The following BEND3 variants were observed in gnomAD, a reference collection of about 807,000 sequenced individuals.
The protein encoded by BEND3 is BEN domain containing 3, also known as BEN domain-containing protein 3.
Under a neutral mutation model 60.1 loss-of-function variants are expected in BEND3, and 13 were observed. That is an observed-to-expected ratio of 0.22 (90% CI 0.14 to 0.34). The LOEUF is 0.34. Ranked by LOEUF, BEND3 falls within the 10% of genes least tolerant of loss-of-function variation. The pLI, the probability that BEND3 is intolerant of heterozygous loss-of-function variation, is 1.00. For synonymous variants in BEND3, 497 were observed against 491.5 expected (o/e 1.01, Z -0.15); for missense variants, 896 against 1,138.1 (o/e 0.79, Z 3.06).
intron 3 of BEND3, among the ~76,000 whole-genome samples, chr6:107,094,348 C>T (rs145548618): frequency 4.6e-4 from 69 of 151,556 alleles, no homozygotes; most frequent in African/African-American, 1.6e-3. Context: ...AACAGCCGGG[C>T]GTGGTGGCTC....
chr6:107,069,882 C>T lies in BEND3; in HGVS notation c.1309G>A (p.Asp437Asn). The change falls in exon 4 of 4, where the codon GAC becomes AAC. Residue 437 changes from aspartate (D) to asparagine (N), a missense_variant. Physicochemically the swap from Asp to Asn is conservative, Grantham distance 23. Transcript: ENST00000369042. ...GGGTCCAGCTCCTGCTTTCCACCGT[C>T]CCCGTAGCAGCTGTACTGTTCACCC... ...KLGEQYSCYG[D>N]GGKQELDPQR... 1 of 1,613,868 alleles carries T rather than the reference C, an allele frequency of 6.2e-7. No homozygotes were observed. Among genetic ancestry groups the T allele is most frequent in the Non-Finnish European group, 8.5e-7 (1 of 1,180,010 alleles).
chr6:107,113,234 G>C (rs192237039), intron 1 of BEND3, among the ~76,000 whole-genome samples: 1 of 151,166 alleles, frequency 6.6e-6, no homozygotes, highest in Admixed American at 6.6e-5. Flanking sequence ...CTGAGGTCCG[G>C]AAACCAGCCT....
intron 1 of BEND3, chr6:107,114,401 G>T (rs968632274): frequency 2.6e-5 from 4 of 152,008 alleles, no homozygotes; most frequent in African/African-American, 9.7e-5. Context: ...GGCCGGGAAG[G>T]GAGCGCTGCG....
Position 107,068,987 on chromosome 6 carries a change from G to A in BEND3, c.2204C>T (p.Ser735Phe), listed in dbSNP as rs1554231296. The A allele has an allele frequency of 6.2e-7, 1 of 1,613,822 alleles. No homozygotes were observed. Residue 735 changes from serine to phenylalanine, a missense_variant, in exon 4 of 4, where the codon TCC (serine) becomes TTC (phenylalanine). By Grantham distance (155) the Ser-to-Phe change is radical (BLOSUM62 -2). Transcript: ENST00000369042. The surrounding 1 kb of genome is among the most constrained non-coding windows in gnomAD (Gnocchi z 5.8). ...GAGCCGGGCGGCAAAGTTGCCCACG[G>A]AGAGGCTCTGCTGCACGATCTCACG... ...EVREIVQQSL[S>F]VGNFAARLLV...
intron 3 of BEND3, among the ~76,000 whole-genome samples, chr6:107,074,408 C>CT (rs1228146410): frequency 6.6e-6 from 1 of 152,148 alleles, no homozygotes; most frequent in African/African-American, 2.4e-5. Context: ...GAGTGAGACT[C>CT]TGTCTCAAAA....
chr6:107,098,839 T>G, intron 2 of BEND3, 86 bp from the exon 3 acceptor site: 1 of 1,162,826 alleles, frequency 8.6e-7, no homozygotes, highest in Non-Finnish European at 1.3e-6. Context: ...AGGGTGTCTG[T>G]GGGCCGCCCT....
chr6:107,110,106 G>A (rs1775910693), intron 1 of BEND3, among the ~76,000 whole-genome samples: 1 of 152,010 alleles, frequency 6.6e-6, no homozygotes, highest in South Asian at 2.1e-4. Context: ...GGCTCAGGCG[G>A]AAGCATTGCT....
At chr6:107,089,726 C>G (rs1775435290) in intron 3 of BEND3, among the ~76,000 whole-genome samples, 1 of 151,334 alleles carries the variant, frequency 6.6e-6, no homozygotes, top group Non-Finnish European at 1.5e-5. Context: ...TCCTGAGTAG[C>G]TGGGATAAGA....
At chr6:107,074,962 G>A (rs1376312259) in intron 3 of BEND3, among the ~76,000 whole-genome samples, 1 of 152,066 alleles carries the variant, frequency 6.6e-6, no homozygotes, top group East Asian at 1.9e-4. Flanking sequence ...TTAGCTGGGA[G>A]TGGTAGCACA....
intron 3 of BEND3, among the ~76,000 whole-genome samples, chr6:107,077,324 T>C (rs1775120775): frequency 6.6e-6 from 1 of 152,126 alleles, no homozygotes; most frequent in Non-Finnish European, 1.5e-5. Context: ...AAGTTGCCTA[T>C]GTTCACAGGC....
intron 3 of BEND3, among the ~76,000 whole-genome samples, chr6:107,091,143 T>C (rs1554235181): frequency 6.6e-6 from 1 of 151,222 alleles, no homozygotes. Context: ...GAAAACTCAA[T>C]TTACCAAAAT....
In BEND3 at chr6:107,115,170, G is replaced by A. The variant is rs1770239674; in HGVS notation, c.-92C>T. 1 of 150,460 alleles carries A rather than the reference G, an allele frequency of 6.6e-6. No individual in the cohort carries two copies. Among genetic ancestry groups the A allele is most frequent in the Admixed American group, 6.6e-5 (1 of 15,060 alleles). 9.3% of individuals were successfully genotyped at this position (150,460 alleles called of 1,614,324 possible). On this transcript the variant is annotated 5_prime_UTR_variant, in exon 1 of 4. Transcript: ENST00000369042. The stretch of plus-strand genomic sequence containing the variant: ...CGTGGGGGGGAGGGCGCGGGGCCGG[G>A]GAGTGGGGGCCGCGCGCGGAGGGCC...
rs76096889 is a variant in BEND3 at position 107,092,866 on chromosome 6, A to G, written c.240+5685T>C. Among the ~76,000 whole-genome samples the G allele has an allele frequency of 6.2e-3, 950 of 152,312 alleles. 11 individuals carry two copies. Among genetic ancestry groups the G allele is most frequent in the African/African-American group, 0.021 (889 of 41,570 alleles). ...TAGAATTTAAAATTAAAAACACAAT[A>G]CCATTTATATCAGGACTCCAAAAAC... On this transcript the variant is annotated intron_variant, in intron 3 of 3. Transcript: ENST00000369042.
intron 1 of BEND3, 50 bp from the exon 2 acceptor site, chr6:107,099,346 C>A: frequency 1.3e-6 from 2 of 1,526,130 alleles, no homozygotes; most frequent in South Asian, 2.3e-5. Flanking sequence ...TGATTTATTT[C>A]TTAATTTTCT....
At chr6:107,095,943 C>G (rs569307205) in intron 3 of BEND3, among the ~76,000 whole-genome samples, 128 of 152,280 alleles carry the variant, frequency 8.4e-4, no homozygotes, top group Non-Finnish European at 1.6e-3. Flanking sequence ...AGCAAAACTA[C>G]TCTGTATGAT....
At position 107,069,879 on chromosome 6, in the gene BEND3, C is replaced by T. The variant is rs1554231628; in HGVS notation, c.1312G>A (p.Gly438Ser). 3 of 1,613,786 alleles carry T rather than the reference C, an allele frequency of 1.9e-6. No individual in the cohort carries two copies. The highest frequency in any genetic ancestry group is 2.2e-5 in the South Asian group (2 of 91,052). The stretch of plus-strand genomic sequence containing the variant: ...TGCGGGTCCAGCTCCTGCTTTCCAC[C>T]GTCCCCGTAGCAGCTGTACTGTTCA... ...LGEQYSCYGDGGKQELDPQRL... is the reference protein window; with the variant it reads ...LGEQYSCYGDSGKQELDPQRL... The change falls in exon 4 of 4, where the codon GGT becomes AGT. Residue 438 changes from glycine to serine, a missense_variant. Gly to Ser is a moderately conservative substitution (Grantham distance 56). Coordinates refer to ENST00000369042, the MANE Select transcript of BEND3 (RefSeq NM_001367314.1).
intron 3 of BEND3, among the ~76,000 whole-genome samples, chr6:107,087,623 G>T (rs1318819564): frequency 6.8e-6 from 1 of 148,014 alleles, no homozygotes; most frequent in African/African-American, 2.5e-5. Flanking sequence ...TGTAATCTCA[G>T]CTACTCAGGA....
chr6:107,098,460 T>C, intron 3 of BEND3, 91 bp downstream of exon 3: 1 of 1,368,696 alleles, frequency 7.3e-7, no homozygotes, highest in Non-Finnish European at 1.0e-6. Context: ...GGTTCAGCAG[T>C]TGCCAGGATG....
chr6:107,103,573 C>G (rs148010058), intron 1 of BEND3, among the ~76,000 whole-genome samples: 14 of 152,218 alleles, frequency 9.2e-5, no homozygotes, highest in African/African-American at 3.1e-4. Flanking sequence ...CACATCCACA[C>G]GTTCCCCAAA....
Sources: allele counts gnomAD v4.1 joint callset (sites outside exome capture counted in the v4.1 genomes callset), GRCh38; gene constraint gnomAD v4.1.1; non-coding constraint Gnocchi (gnomAD v3.1); transcripts MANE v1.5; gene names NCBI Gene and HGNC (gene_info 2026-07-23, HGNC 2026-07-21).